Variants in OR52N4 observed in about 807,000 individuals in gnomAD.
OR52N4 encodes olfactory receptor 52N4.
OR52N4 carries 15 observed loss-of-function variants against 15.0 expected under a neutral mutation model. The ratio of observed to expected loss-of-function variants is 1.00; its 90% CI spans 0.67 to 1.54. The LOEUF (loss-of-function observed/expected upper bound fraction) is 1.54, where lower values mean the gene tolerates loss of function less well. Among genes scored for constraint, OR52N4 ranks in the 40% most tolerant of loss-of-function variants. The pLI, the probability that OR52N4 is intolerant of heterozygous loss-of-function variation, is 0.00. For synonymous variants in OR52N4, 143 were observed against 143.7 expected (o/e 1.00, Z 0.03); for missense variants, 421 against 394.0 (o/e 1.07, Z -0.58).
the OR52N4 span, among the ~76,000 whole-genome samples, chr11:5,742,647 T>A: frequency 6.6e-6 from 1 of 152,178 alleles, no homozygotes; most frequent in East Asian, 1.9e-4. Flanking sequence ...TTGAGCTTTG[T>A]AAATGAAGGA....
the OR52N4 span, among the ~76,000 whole-genome samples, chr11:5,740,228 T>C: frequency 3.2e-5 from 4 of 126,930 alleles, 2 homozygotes; most frequent in Admixed American, 1.5e-4. Flanking sequence ...TTGAAAATTT[T>C]ACCAATCGTA....
At chr11:5,727,345 C>T in the OR52N4 span, 1 of 152,568 alleles carries the variant, frequency 6.6e-6, no homozygotes, top group Admixed American at 6.5e-5. Flanking sequence ...CAATGTTTAT[C>T]TGCTTTTGCC....
rs1439805370 is a variant in OR52N4 at position 5,754,693 on chromosome 11, G to A, written c.-48G>A. ...CTCTTGTTTTTTTTTTTAACTCTAG[G>A]AAAGCCCAGACAAATTTTGAGCTAT... On this transcript the variant is annotated splice_region_variant and 5_prime_UTR_variant, in exon 2 of 2. Coordinates refer to ENST00000641350, the MANE Select transcript of OR52N4 (RefSeq NM_001005175.5). The A allele has an allele frequency of 6.6e-7, 1 of 1,520,100 alleles. No individual in the cohort carries two copies. Among genetic ancestry groups the A allele is most frequent in the East Asian group, 2.3e-5 (1 of 43,714 alleles). 94.2% of individuals were successfully genotyped at this position (1,520,100 alleles called of 1,614,324 possible). A position where few individuals can be genotyped will look rare whatever the true frequency, so the allele number is the denominator to read the frequency against.
At chr11:5,754,189 T>A (rs1007828121), upstream of OR52N4, 6 of 152,012 alleles carry the variant, frequency 3.9e-5, no homozygotes, top group African/African-American at 1.4e-4. Context: ...GAGTAATAAT[T>A]TAATTAAAAT....
the OR52N4 span, among the ~76,000 whole-genome samples, chr11:5,743,495 A>C: frequency 6.6e-6 from 1 of 152,218 alleles, no homozygotes; most frequent in Non-Finnish European, 1.5e-5. Context: ...ATGCTAGGCC[A>C]GTCTCTATAA....
In OR52N4 at chr11:5,755,752, A is replaced by T. The variant is rs1854304914; in HGVS notation, c.*46A>T. ...AGAAGAGAAGGAAAGAATTACTTCT[A>T]TTTGCCTCTTATGCAGGAGTTCATA... On this transcript the variant is annotated 3_prime_UTR_variant, in exon 2 of 2. Coordinates refer to ENST00000641350, the MANE Select transcript of OR52N4 (RefSeq NM_001005175.5). 11 of 1,573,256 alleles carry T rather than the reference A, an allele frequency of 7.0e-6. No individual in the cohort carries two copies. In the East Asian group the frequency reaches 2.5e-4, roughly 35 times the overall value.
upstream of OR52N4, among the ~76,000 whole-genome samples, chr11:5,749,843 T>C (rs1199501473): frequency 1.3e-5 from 2 of 151,998 alleles, no homozygotes; most frequent in Admixed American, 6.6e-5. Context: ...AATATTACTT[T>C]TCCAATGACT....
the OR52N4 span, among the ~76,000 whole-genome samples, chr11:5,740,730 A>T: frequency 7.9e-6 from 1 of 126,700 alleles, no homozygotes; most frequent in South Asian, 2.8e-4. Flanking sequence ...TCGCTTGAGC[A>T]TGGGAGGTGG....
the OR52N4 span, among the ~76,000 whole-genome samples, chr11:5,743,455 G>A: frequency 6.6e-6 from 1 of 152,092 alleles, no homozygotes; most frequent in Non-Finnish European, 1.5e-5. Flanking sequence ...ATTTCTGTTG[G>A]CACATGAAAC....
At chr11:5,737,023 T>G in the OR52N4 span, 2 of 1,614,178 alleles carry the variant, frequency 1.2e-6, no homozygotes, top group African/African-American at 2.7e-5. Flanking sequence ...CTCCAGTGCC[T>G]GTGCTTGCAG....
chr11:5,732,319 C>A, the OR52N4 span, among the ~76,000 whole-genome samples: 9 of 152,134 alleles, frequency 5.9e-5, no homozygotes, highest in Non-Finnish European at 1.0e-4. Flanking sequence ...TTTGTACAAA[C>A]TTCTTTAAAA....
chr11:5,743,056 C>G, the OR52N4 span, among the ~76,000 whole-genome samples: 1 of 152,190 alleles, frequency 6.6e-6, no homozygotes, highest in Admixed American at 6.5e-5. Context: ...AGATGTTTCA[C>G]ACAAATGGAA....
the OR52N4 span, chr11:5,737,813 A>T: frequency 4.8e-6 from 1 of 210,506 alleles, no homozygotes; most frequent in South Asian, 9.8e-5. Context: ...ACAGACACAC[A>T]TACATTCAAT....
At chr11:5,736,719 TGTA>T in the OR52N4 span, 8 of 1,613,852 alleles carry the variant, frequency 5.0e-6, no homozygotes, top group South Asian at 6.6e-5. Flanking sequence ...CAGCAGCCCA[TGTA>T]TATTTTCCTT....
In OR52N4 at chr11:5,754,712, G is replaced by A; in HGVS notation, c.-29G>A. On this transcript the variant is annotated 5_prime_UTR_variant, in exon 2 of 2. Transcript: ENST00000641350. ...CTCTAGGAAAGCCCAGACAAATTTTGAGCTATTTCATAACCTACCAGACTT... is the reference window on the plus strand; with the variant it reads ...CTCTAGGAAAGCCCAGACAAATTTTAAGCTATTTCATAACCTACCAGACTT... The A allele has an allele frequency of 3.2e-6, 5 of 1,539,602 alleles. No homozygotes were observed. The highest frequency in any genetic ancestry group is 4.4e-6 in the Non-Finnish European group (5 of 1,144,048).
chr11:5,731,983 T>A, the OR52N4 span, among the ~76,000 whole-genome samples: 1 of 152,222 alleles, frequency 6.6e-6, no homozygotes, highest in Non-Finnish European at 1.5e-5. Context: ...TGTGGAATGA[T>A]TATATCAGTC....
At chr11:5,753,853 C>T (rs1023695018), upstream of OR52N4, among the ~76,000 whole-genome samples, 4 of 151,474 alleles carry the variant, frequency 2.6e-5, no homozygotes, top group Non-Finnish European at 5.9e-5. Context: ...ATTAGCTGGG[C>T]GTGGTGGCAT....
Position 5,755,068 on chromosome 11 carries a change from A to C in OR52N4, c.328A>C (p.Thr110Pro), listed in dbSNP as rs755382904. Residue 110 changes from threonine (T) to proline (P), a missense_variant, in exon 2 of 2, where the codon ACA becomes CCA. Coordinates refer to ENST00000641350, the MANE Select transcript of OR52N4 (RefSeq NM_001005175.5). Reference protein sequence around the residue: ...LVQMFFTHTFTGMESGVLMLM... With the variant: ...LVQMFFTHTFPGMESGVLMLM... ...CCAGATGTTCTTCACCCACACCTTCACAGGGATGGAGTCTGGGGTGCTTAT... is the reference window on the plus strand; with the variant it reads ...CCAGATGTTCTTCACCCACACCTTCCCAGGGATGGAGTCTGGGGTGCTTAT... 2.5e-6 allele frequency: 4 copies of C among 1,613,898 alleles called. No individual in the cohort carries two copies. The Admixed American group carries it at 6.7e-5, about 27-fold the overall frequency.
At chr11:5,733,362 T>C in the OR52N4 span, among the ~76,000 whole-genome samples, 3 of 152,156 alleles carry the variant, frequency 2.0e-5, no homozygotes, top group African/African-American at 7.2e-5. Flanking sequence ...AACACTCTGT[T>C]GTTACCTTGA....
Sources: allele counts gnomAD v4.1 joint callset (sites outside exome capture counted in the v4.1 genomes callset), GRCh38; gene constraint gnomAD v4.1.1; transcripts MANE v1.5; gene names NCBI Gene and HGNC (gene_info 2026-07-23, HGNC 2026-07-21).